NCAM1: variants seen among roughly 807,000 people sequenced by gnomAD.
NCAM1 encodes antigen recognized by monoclonal antibody 5.1H11.
Under a neutral mutation model 109.8 loss-of-function variants are expected in NCAM1, and 14 were observed. That is an observed-to-expected ratio of 0.13 (90% CI 0.08 to 0.20). The LOEUF (loss-of-function observed/expected upper bound fraction) is 0.20. Among genes scored for constraint, NCAM1 ranks in the 10% least tolerant of loss-of-function variants. The probability of loss-of-function intolerance (pLI) is 1.00; values close to 1 mark genes in which losing one functional copy is unlikely to be tolerated. For missense variants in NCAM1, 774 were observed against 1,109.9 expected (o/e 0.70, Z 4.30); for synonymous variants, 418 against 442.9 (o/e 0.94, Z 0.70).
chr11:113,234,538 T>A (rs1418938471), intron 13 of NCAM1, among the ~76,000 whole-genome samples: 4 of 152,250 alleles, frequency 2.6e-5, no homozygotes, highest in Non-Finnish European at 4.4e-5. Flanking sequence ...TGGACTCATA[T>A]GGCATTTGTC....
intron 1 of NCAM1, 52 bp from the exon 2 acceptor site, chr11:113,202,327 T>C (rs1555111968): frequency 1.0e-5 from 14 of 1,401,642 alleles, no homozygotes; most frequent in African/African-American, 1.5e-5. Context: ...AACTGAACTT[T>C]GTGGGTTTTT....
intron 1 of NCAM1, among the ~76,000 whole-genome samples, chr11:113,006,124 A>G (rs553650000): frequency 2.0e-5 from 3 of 152,058 alleles, no homozygotes; most frequent in East Asian, 3.9e-4. Context: ...TTGATTTTGC[A>G]TGATTGGTTT....
At chr11:113,072,266 A>G (rs1938305313) in intron 1 of NCAM1, among the ~76,000 whole-genome samples, 1 of 152,242 alleles carries the variant, frequency 6.6e-6, no homozygotes, top group African/African-American at 2.4e-5. Context: ...AAAGACAAAA[A>G]TTGAAGAATG....
chr11:113,157,477 A>G (rs1555103655), intron 1 of NCAM1, among the ~76,000 whole-genome samples: 1 of 152,120 alleles, frequency 6.6e-6, no homozygotes, highest in African/African-American at 2.4e-5. Context: ...TAATACACAT[A>G]CTAGTCAGAC....
At chr11:113,049,868 C>A (rs1953403711) in intron 1 of NCAM1, among the ~76,000 whole-genome samples, 1 of 152,166 alleles carries the variant, frequency 6.6e-6, no homozygotes, top group South Asian at 2.1e-4. Context: ...GGTGGCATGG[C>A]TGAAGCAGGT....
At chr11:113,201,282 G>A (rs1944050509) in intron 1 of NCAM1, among the ~76,000 whole-genome samples, 1 of 152,118 alleles carries the variant, frequency 6.6e-6, no homozygotes, top group African/African-American at 2.4e-5. Flanking sequence ...CCTGCGAGCC[G>A]GTCACCATGG....
intron 1 of NCAM1, among the ~76,000 whole-genome samples, chr11:113,186,286 A>G (rs1430233787): frequency 1.3e-5 from 2 of 152,098 alleles, no homozygotes; most frequent in Non-Finnish European, 1.5e-5. Flanking sequence ...ATTCTCATAG[A>G]AGTGCGTGCG....
chr11:113,155,624 C>A (rs1942382483), intron 1 of NCAM1, among the ~76,000 whole-genome samples: 1 of 152,102 alleles, frequency 6.6e-6, no homozygotes. Flanking sequence ...AGCTTTGAGG[C>A]TGCTCCTGCA....
At chr11:113,238,541 A>G (rs1945238935) in intron 14 of NCAM1, among the ~76,000 whole-genome samples, 1 of 152,172 alleles carries the variant, frequency 6.6e-6, no homozygotes, top group African/African-American at 2.4e-5. Flanking sequence ...AGCAGTTACA[A>G]CTGCTATGAC....
chr11:113,169,302 G>C (rs12272683), intron 1 of NCAM1, among the ~76,000 whole-genome samples: 190 of 152,220 alleles, frequency 1.2e-3, no homozygotes, highest in African/African-American at 4.2e-3. Context: ...GAACAATTAG[G>C]GTTGAACTCT....
At chr11:113,075,916 GT>G (rs1157288381) in intron 1 of NCAM1, among the ~76,000 whole-genome samples, 1 of 152,138 alleles carries the variant, frequency 6.6e-6, no homozygotes, top group South Asian at 2.1e-4. Flanking sequence ...GCTTACAGCT[GT>G]TTTTTGTATC....
intron 1 of NCAM1, among the ~76,000 whole-genome samples, chr11:113,060,792 C>T (rs1259746871): frequency 1.3e-5 from 2 of 151,994 alleles, no homozygotes; most frequent in Non-Finnish European, 2.9e-5. Context: ...CCAATGTTTT[C>T]CCTGGATATG....
intron 7 of NCAM1, among the ~76,000 whole-genome samples, chr11:113,210,483 G>A (rs1944355758): frequency 6.6e-6 from 1 of 152,118 alleles, no homozygotes. Context: ...ATGTGGGAGT[G>A]TCTGGCAATA....
intron 16 of NCAM1, among the ~76,000 whole-genome samples, chr11:113,258,424 A>C (rs959142738): frequency 3.3e-5 from 5 of 152,224 alleles, no homozygotes; most frequent in Non-Finnish European, 7.3e-5. Flanking sequence ...ACCAGGTCAC[A>C]CTGCATGGAA....
At position 113,274,504 on chromosome 11, in the gene NCAM1, G is replaced by A. The variant is rs1946364045; in HGVS notation, c.2457-763G>A. On this transcript the variant is annotated intron_variant, in intron 19 of 19. Transcript: ENST00000316851. The surrounding 1 kb of genome is among the most constrained non-coding windows in gnomAD (Gnocchi z 4.1). ...GCAGAGTCAGACCTAGATTTTTATA[G>A]AGGCTCCTATGGCTGCTCCCCAGAT... is the stretch of plus-strand genomic sequence containing the variant. Among the ~76,000 whole-genome samples, 3 of 152,164 alleles carry A rather than the reference G, an allele frequency of 2.0e-5. No individual in the cohort carries two copies.
At chr11:113,139,163 A>G (rs2136184769) in intron 1 of NCAM1, among the ~76,000 whole-genome samples, 1 of 152,332 alleles carries the variant, frequency 6.6e-6, no homozygotes, top group Admixed American at 6.5e-5. Context: ...CTTCTAAATA[A>G]AATTACAGTT....
intron 1 of NCAM1, among the ~76,000 whole-genome samples, chr11:113,064,848 G>A (rs574844970): frequency 1.1e-4 from 16 of 152,158 alleles, no homozygotes; most frequent in African/African-American, 2.2e-4. Context: ...AAAATATAAC[G>A]TTTAATATAG....
At chr11:113,079,082 G>A (rs563978805) in intron 1 of NCAM1, among the ~76,000 whole-genome samples, 1 of 152,132 alleles carries the variant, frequency 6.6e-6, no homozygotes, top group Non-Finnish European at 1.5e-5. Flanking sequence ...AGGGGCACCC[G>A]TGGCCTCTGA....
intron 1 of NCAM1, among the ~76,000 whole-genome samples, chr11:113,199,811 A>G (rs1943983627): frequency 6.7e-6 from 1 of 148,786 alleles, no homozygotes; most frequent in African/African-American, 2.5e-5. Flanking sequence ...TTTGCAAATA[A>G]AGTAAAAGAA....
Sources: allele counts gnomAD v4.1 joint callset (sites outside exome capture counted in the v4.1 genomes callset), GRCh38; gene constraint gnomAD v4.1.1; non-coding constraint Gnocchi (gnomAD v3.1); transcripts MANE v1.5; gene names NCBI Gene and HGNC (gene_info 2026-07-23, HGNC 2026-07-21).